Variants in TTC17 observed in about 807,000 individuals in gnomAD.
TTC17 encodes the protein tetratricopeptide repeat domain 17.
A neutral mutation model predicts 143.8 loss-of-function variants in TTC17; 58 were observed. The observed-to-expected ratio is 0.40, with a 90% CI of 0.33 to 0.50. The LOEUF (loss-of-function observed/expected upper bound fraction) is 0.50, where lower values mean the gene tolerates loss of function less well. TTC17 is among the 20% of genes least tolerant of loss of function. TTC17 has a pLI of 0.49. For missense variants in TTC17, 1,273 were observed against 1,392.5 expected (o/e 0.91, Z 1.37); for synonymous variants, 501 against 497.8 (o/e 1.01, Z -0.09).
chr11:43,436,962 G>T (rs1201407193), intron 16 of TTC17, among the ~76,000 whole-genome samples: 2 of 151,778 alleles, frequency 1.3e-5, no homozygotes, highest in African/African-American at 4.8e-5. Flanking sequence ...TTATTTGTTG[G>T]GTTATCCAGG....
intron 2 of TTC17, among the ~76,000 whole-genome samples, chr11:43,387,716 C>T (rs1857221153): frequency 6.6e-6 from 1 of 151,666 alleles, no homozygotes; most frequent in South Asian, 2.1e-4. Context: ...CTCTATAAAA[C>T]CTTTCCTATA....
intron 16 of TTC17, among the ~76,000 whole-genome samples, chr11:43,438,510 T>A (rs546296472): frequency 3.9e-5 from 6 of 152,318 alleles, no homozygotes; most frequent in African/African-American, 1.4e-4. Flanking sequence ...TTCTCTTTTG[T>A]GAGACAAAGG....
chr11:43,376,521 C>T (rs967922851), intron 1 of TTC17, among the ~76,000 whole-genome samples: 6 of 152,132 alleles, frequency 3.9e-5, no homozygotes, highest in African/African-American at 1.2e-4. Flanking sequence ...TGTGAAAAAG[C>T]CATAAAGTGC....
In TTC17 at chr11:43,494,011, A is replaced by G; in HGVS notation, c.*107A>G. Reference sequence around the variant, plus strand: ...TACTATTAATGATGTGTGTGAAAATAACTAAGACTTATAACAGGACTTTTA... The same window carrying G: ...TACTATTAATGATGTGTGTGAAAATGACTAAGACTTATAACAGGACTTTTA... On this transcript the variant is annotated 3_prime_UTR_variant, in exon 24 of 24. Coordinates refer to ENST00000039989, the MANE Select transcript of TTC17 (RefSeq NM_018259.6). The G allele has an allele frequency of 7.2e-7, 1 of 1,384,800 alleles. No homozygotes were observed. Among genetic ancestry groups the G allele is most frequent in the Non-Finnish European group, 9.6e-7 (1 of 1,043,106 alleles). The allele number at this position is 1,384,800 out of a possible 1,614,324, so 85.8% of individuals were successfully genotyped here. A position where few individuals can be genotyped will look rare whatever the true frequency, so the allele number is the denominator to read the frequency against.
In TTC17 at chr11:43,389,775, G is replaced by A. The variant is rs747283670; in HGVS notation, c.373G>A (p.Asp125Asn). The change falls in exon 3 of 24, where the codon GAT (aspartate) becomes AAT (asparagine). Residue 125 changes from aspartate to asparagine, a missense_variant. Around this residue, in one of 3 missense-constraint regions of TTC17, gnomAD observed 325 missense variants for 444.2 expected, o/e 0.73. Coordinates refer to ENST00000039989, the MANE Select transcript of TTC17 (RefSeq NM_018259.6). ...AGCCAAGGTGCCCTTAGGGGACCTG[G>A]ATCTATATGATGGCACATACATAAC... ...IKAKVPLGDL[D>N]LYDGTYITLE... 1.2e-6 allele frequency: 2 copies of A among 1,613,772 alleles called. No individual in the cohort carries two copies. The highest frequency in any genetic ancestry group is 1.6e-4 in the Middle Eastern group (1 of 6,062).
At chr11:43,484,919 T>TG (rs2134476106) in intron 21 of TTC17, among the ~76,000 whole-genome samples, 1 of 152,060 alleles carries the variant, frequency 6.6e-6, no homozygotes, top group East Asian at 1.9e-4. Context: ...GAGCTGTACA[T>TG]GCGAGGGATC....
intron 15 of TTC17, among the ~76,000 whole-genome samples, chr11:43,411,237 T>C (rs780875075): frequency 2.0e-5 from 3 of 152,316 alleles, no homozygotes; most frequent in South Asian, 4.1e-4. Flanking sequence ...CTCACTTGCC[T>C]CCTTGTAGTT....
chr11:43,476,166 T>C (rs533412514), intron 21 of TTC17, among the ~76,000 whole-genome samples: 38 of 152,338 alleles, frequency 2.5e-4, no homozygotes, highest in Admixed American at 5.2e-4. Flanking sequence ...GAACCAGTTT[T>C]CCTTGGAGAA....
chr11:43,378,393 G>C (rs891689280), intron 1 of TTC17, among the ~76,000 whole-genome samples: 1 of 152,124 alleles, frequency 6.6e-6, no homozygotes, highest in Non-Finnish European at 1.5e-5. Flanking sequence ...CTTATACTCT[G>C]GTCACTGGCA....
At chr11:43,485,172 C>T (rs1168294789) in intron 21 of TTC17, among the ~76,000 whole-genome samples, 1 of 152,130 alleles carries the variant, frequency 6.6e-6, no homozygotes, top group Non-Finnish European at 1.5e-5. Flanking sequence ...GTAAATTTGT[C>T]TTCCATGAAA....
intron 16 of TTC17, among the ~76,000 whole-genome samples, chr11:43,421,232 G>A (rs1279817594): frequency 2.0e-5 from 3 of 152,076 alleles, no homozygotes; most frequent in Non-Finnish European, 4.4e-5. Context: ...GAGGTTCTAA[G>A]CCATGCAGAT....
rs769935672 is a variant in TTC17 at position 43,405,818 on chromosome 11, CAGA to C, written c.1635_1637del (p.Glu546del). 22 of 1,614,052 alleles carry C rather than the reference CAGA, an allele frequency of 1.4e-5. No individual in the cohort carries two copies. The highest frequency in any genetic ancestry group is 1.7e-5 in the Non-Finnish European group (20 of 1,179,944). Reference sequence around the variant, plus strand: ...GAACTCAGCAGTGATGATTATTCTACAGAAGAAGAGGCCCAAACCCCTGACTGT... The same window carrying C: ...GAACTCAGCAGTGATGATTATTCTACAGAAGAGGCCCAAACCCCTGACTGT... On this transcript the variant is annotated inframe_deletion, in exon 13 of 24. Transcript: ENST00000039989.
chr11:43,430,725 A>ACG, intron 16 of TTC17, among the ~76,000 whole-genome samples: 1 of 151,316 alleles, frequency 6.6e-6, no homozygotes, highest in African/African-American at 2.4e-5. Context: ...ACACACACAC[A>ACG]CACACACACA....
chr11:43,396,175 T>C (rs1219493517), intron 5 of TTC17: 2 of 152,084 alleles, frequency 1.3e-5, no homozygotes, highest in Non-Finnish European at 2.9e-5. Flanking sequence ...TCTATTTCTT[T>C]GTGAAGTTAC....
chr11:43,417,702 A>G (rs528238337), intron 16 of TTC17, among the ~76,000 whole-genome samples: 1 of 152,198 alleles, frequency 6.6e-6, no homozygotes, highest in South Asian at 2.1e-4. Flanking sequence ...TGGGCGTGAT[A>G]GCGGGCACCT....
At chr11:43,396,671 T>C (rs1306199513) in intron 5 of TTC17, 38 bp from the exon 6 acceptor site, 1 of 1,299,096 alleles carries the variant, frequency 7.7e-7, no homozygotes, top group Non-Finnish European at 1.1e-6. Context: ...TTAAACTGTC[T>C]TGAGTCGTGT....
intron 1 of TTC17, among the ~76,000 whole-genome samples, chr11:43,360,709 AT>A (rs565296928): frequency 0.094 from 13,424 of 142,502 alleles, 732 homozygotes; most frequent in African/African-American, 0.16. Flanking sequence ...GTAGAGTCTG[AT>A]TTTTTTTTTT....
chr11:43,434,168 GACACACACACACAC>G (rs55913890), intron 16 of TTC17, among the ~76,000 whole-genome samples: 20,621 of 125,196 alleles, frequency 0.16, 1,857 homozygotes, highest in East Asian at 0.3. Flanking sequence ...CATGGGCGGG[GACACACACACACAC>G]ACACACACAC....
chr11:43,448,266 C>A, intron 19 of TTC17, 144 bp downstream of exon 19: 2 of 1,238,412 alleles, frequency 1.6e-6, no homozygotes, highest in Non-Finnish European at 1.1e-6. Flanking sequence ...CTGACCATGG[C>A]CCCCAGGTGG....
Sources: allele counts gnomAD v4.1 joint callset (sites outside exome capture counted in the v4.1 genomes callset), GRCh38; gene constraint gnomAD v4.1.1; regional missense constraint gnomAD v4.1.1; transcripts MANE v1.5; gene names NCBI Gene and HGNC (gene_info 2026-07-23, HGNC 2026-07-21).